BAZ2B: variants seen among roughly 807,000 people sequenced by gnomAD.
The protein encoded by BAZ2B is bromodomain adjacent to zinc finger domain protein 2B.
Under a neutral mutation model 246.0 loss-of-function variants are expected in BAZ2B, and 91 were observed. The observed-to-expected ratio is 0.37, with a 90% CI of 0.31 to 0.44. The LOEUF (loss-of-function observed/expected upper bound fraction) is 0.44. Ranked by LOEUF, BAZ2B falls within the 20% of genes least tolerant of loss-of-function variation. The probability of loss-of-function intolerance (pLI) is 1.00; values close to 1 mark genes in which losing one functional copy is unlikely to be tolerated. For synonymous variants in BAZ2B, 855 were observed against 860.0 expected (o/e 0.99, Z 0.10); for missense variants, 2,332 against 2,533.7 (o/e 0.92, Z 1.71).
At chr2:159,406,329 C>T (rs1339606838) in intron 14 of BAZ2B, among the ~76,000 whole-genome samples, 1 of 152,076 alleles carries the variant, frequency 6.6e-6, no homozygotes, top group Non-Finnish European at 1.5e-5. Context: ...AGCAGTTGAC[C>T]CTACAAATGT....
Position 159,386,567 on chromosome 2 carries a change from G to A in BAZ2B, c.3257C>T (p.Ser1086Phe). ...GAGACAGTCTGAAAATGTACTTCCA[G>A]AGAGAACAAGTCCTGGAATACGAGG... ...ELPRIPGLVL[S>F]GSTFSDCLMV... Residue 1086 changes from serine (S) to phenylalanine (F), a missense_variant, in exon 22 of 37, where the codon TCT becomes TTT. Around this residue, in one of 9 missense-constraint regions of BAZ2B, gnomAD observed 328 missense variants for 410.4 expected, o/e 0.80. Transcript: ENST00000392783. 6.2e-7 allele frequency: 1 copy of A among 1,613,204 alleles called. No individual in the cohort carries two copies. Among genetic ancestry groups the A allele is most frequent in the Non-Finnish European group, 8.5e-7 (1 of 1,179,616 alleles).
chr2:159,598,139 G>T (rs528837160), intron 1 of BAZ2B, among the ~76,000 whole-genome samples: 4 of 151,962 alleles, frequency 2.6e-5, no homozygotes, highest in Admixed American at 6.6e-5. Flanking sequence ...TACTATAGGC[G>T]CCTGCCACCA....
chr2:159,397,379 A>T lies in BAZ2B; in HGVS notation c.2975T>A (p.Met992Lys). 6.5e-7 allele frequency: 1 copy of T among 1,548,936 alleles called. No individual in the cohort carries two copies. The highest frequency in any genetic ancestry group is 8.8e-7 in the Non-Finnish European group (1 of 1,135,154). ...CAGAAGAACAGCTTGTTGTCTTCTC[A>T]TTTCTTTTTCCTTAAAAATAAGAAA... ...EAEKRIKEKEMRRQQAVLLKH... is the reference protein window; with the variant it reads ...EAEKRIKEKEKRRQQAVLLKH... The change falls in exon 19 of 37, where the codon ATG becomes AAG. Residue 992 changes from methionine to lysine, a missense_variant. Coordinates refer to ENST00000392783, the MANE Select transcript of BAZ2B (RefSeq NM_013450.4).
chr2:159,629,352 C>G, the BAZ2B span, among the ~76,000 whole-genome samples: 1 of 152,120 alleles, frequency 6.6e-6, no homozygotes, highest in East Asian at 1.9e-4. Context: ...ATAAATCATG[C>G]TACTATAAAG....
intron 2 of BAZ2B, among the ~76,000 whole-genome samples, chr2:159,545,546 T>C (rs2087215486): frequency 6.9e-6 from 1 of 144,260 alleles, no homozygotes; most frequent in African/African-American, 2.6e-5. Context: ...TACATTCCAG[T>C]TACACACTAA....
the BAZ2B span, among the ~76,000 whole-genome samples, chr2:159,634,068 T>C: frequency 6.6e-6 from 1 of 152,282 alleles, no homozygotes; most frequent in East Asian, 1.9e-4. Flanking sequence ...AAAAAATATA[T>C]ACACAAGGAC....
intron 2 of BAZ2B, among the ~76,000 whole-genome samples, chr2:159,505,819 G>A (rs1207844246): frequency 5.3e-5 from 8 of 152,182 alleles, no homozygotes; most frequent in Admixed American, 5.2e-4. Flanking sequence ...CAGCAGGTAT[G>A]TGTATAAGGC....
the BAZ2B span, among the ~76,000 whole-genome samples, chr2:159,643,581 A>G: frequency 1.3e-5 from 2 of 151,994 alleles, no homozygotes; most frequent in African/African-American, 2.4e-5. Flanking sequence ...ACATGCCTTA[A>G]AAGTCTTAAC....
At chr2:159,595,700 C>G (rs917052571) in intron 1 of BAZ2B, among the ~76,000 whole-genome samples, 2 of 152,188 alleles carry the variant, frequency 1.3e-5, no homozygotes, top group Admixed American at 6.5e-5. Context: ...ATTTTAAATT[C>G]AACCTAGAGG....
Position 159,418,612 on chromosome 2 carries a change from T to C in BAZ2B, c.2467-6067A>G, listed in dbSNP as rs530811294. Among the ~76,000 whole-genome samples, 38 of 152,200 alleles carry C rather than the reference T, an allele frequency of 2.5e-4. No individual in the cohort carries two copies. In the South Asian group the frequency reaches 3.9e-3, roughly 16 times the overall value. On this transcript the variant is annotated intron_variant, in intron 13 of 36. Transcript: ENST00000392783. ...ATACTTGTAAGCTGATTTTTTTTTT[T>C]GGGAAAAGCAGTATATAATTATGTA... is the stretch of plus-strand genomic sequence containing the variant.
chr2:159,549,532 A>G (rs910555072), intron 2 of BAZ2B, among the ~76,000 whole-genome samples: 11 of 152,144 alleles, frequency 7.2e-5, no homozygotes, highest in Admixed American at 6.5e-4. Context: ...TCCCCGGGCT[A>G]CACTGGATGA....
chr2:159,667,714 C>A, the BAZ2B span, among the ~76,000 whole-genome samples: 28 of 152,098 alleles, frequency 1.8e-4, 1 homozygote, highest in East Asian at 5.4e-3. Context: ...ATATGTATGT[C>A]CCAGGCCTAT....
At chr2:159,389,681 TTCAATCATTTGC>T (rs2063097540) in intron 20 of BAZ2B, among the ~76,000 whole-genome samples, 196 bp from the exon 21 acceptor site, 1 of 152,164 alleles carries the variant, frequency 6.6e-6, no homozygotes, top group Non-Finnish European at 1.5e-5. Flanking sequence ...TCAAAATTTG[TTCAATCATTTGC>T]CAAGTTATAA....
At chr2:159,630,726 G>C in the BAZ2B span, among the ~76,000 whole-genome samples, 2 of 152,082 alleles carry the variant, frequency 1.3e-5, no homozygotes, top group African/African-American at 2.4e-5. Flanking sequence ...AGTAGAGACA[G>C]GGTTTCACCG....
At chr2:159,468,907 T>G (rs1159823868) in intron 3 of BAZ2B, among the ~76,000 whole-genome samples, 2 of 151,806 alleles carry the variant, frequency 1.3e-5, no homozygotes, top group Non-Finnish European at 2.9e-5. Context: ...AAAAATTAGC[T>G]AGGTGTGGTG....
At position 159,404,839 on chromosome 2, in the gene BAZ2B, A is replaced by C; in HGVS notation, c.2832+10T>G. 1 of 1,609,384 alleles carries C rather than the reference A, an allele frequency of 6.2e-7. No individual in the cohort carries two copies. Among genetic ancestry groups the C allele is most frequent in the Non-Finnish European group, 8.5e-7 (1 of 1,177,494 alleles). ...ATATTTTAAAAGTCACTTCCAATGTATACACATACCTGCTGTTTCATAATC... is the reference window on the plus strand; with the variant it reads ...ATATTTTAAAAGTCACTTCCAATGTCTACACATACCTGCTGTTTCATAATC... On this transcript the variant is annotated intron_variant, in intron 16 of 36. Coordinates refer to ENST00000392783, the MANE Select transcript of BAZ2B (RefSeq NM_013450.4).
the BAZ2B span, among the ~76,000 whole-genome samples, chr2:159,702,652 G>A: frequency 6.6e-6 from 1 of 152,150 alleles, no homozygotes; most frequent in Non-Finnish European, 1.5e-5. Flanking sequence ...TTATAAAACT[G>A]TTAAAGGGCT....
intron 1 of BAZ2B, among the ~76,000 whole-genome samples, chr2:159,596,072 GA>G (rs1362432540): frequency 6.6e-6 from 1 of 152,158 alleles, no homozygotes; most frequent in African/African-American, 2.4e-5. Context: ...GAGCAACAAT[GA>G]CATGGAATCA....
chr2:159,488,768 T>C (rs1171208321), intron 2 of BAZ2B, among the ~76,000 whole-genome samples: 2 of 152,148 alleles, frequency 1.3e-5, no homozygotes, highest in Non-Finnish European at 2.9e-5. Flanking sequence ...GATCACAAGG[T>C]GATCAACAAT....
Sources: allele counts gnomAD v4.1 joint callset (sites outside exome capture counted in the v4.1 genomes callset), GRCh38; gene constraint gnomAD v4.1.1; regional missense constraint gnomAD v4.1.1; transcripts MANE v1.5; gene names NCBI Gene and HGNC (gene_info 2026-07-23, HGNC 2026-07-21).